Variants in NTM observed in about 807,000 individuals in gnomAD.
NTM encodes neurotrimin.
In NTM, 13 loss-of-function variants were observed where a neutral mutation model predicts 42.1. That is an observed-to-expected ratio of 0.31 (90% CI 0.20 to 0.49). The LOEUF (loss-of-function observed/expected upper bound fraction) is 0.49. Ranked by LOEUF, NTM falls within the 20% of genes least tolerant of loss-of-function variation. The probability of loss-of-function intolerance (pLI) is 0.99; values close to 1 mark genes in which losing one functional copy is unlikely to be tolerated. For missense variants in NTM, 373 were observed against 452.8 expected (o/e 0.82, Z 1.60); for synonymous variants, 187 against 179.2 (o/e 1.04, Z -0.35).
At chr11:131,674,167 C>CCA (rs1235017806) in intron 1 of NTM, among the ~76,000 whole-genome samples, 1 of 152,236 alleles carries the variant, frequency 6.6e-6, no homozygotes, top group Non-Finnish European at 1.5e-5. Flanking sequence ...AGAAGTAGTG[C>CCA]CACACGCACA....
intron 2 of NTM, among the ~76,000 whole-genome samples, chr11:132,048,291 C>G (rs2078305066): frequency 6.6e-6 from 1 of 152,178 alleles, no homozygotes; most frequent in African/African-American, 2.4e-5. Context: ...CAAAGCAGAG[C>G]CCAAGAGCCT....
At chr11:131,628,328 T>C (rs1360910235) in intron 1 of NTM, among the ~76,000 whole-genome samples, 1 of 152,248 alleles carries the variant, frequency 6.6e-6, no homozygotes, top group Non-Finnish European at 1.5e-5. Context: ...GGAAAAGTTA[T>C]TAATAGTTTA....
chr11:131,605,753 T>C, intron 1 of NTM: 1 of 978,982 alleles, frequency 1.0e-6, no homozygotes, highest in Non-Finnish European at 1.2e-6. Context: ...ATTTAAAGTT[T>C]GAAAAAAATA....
intron 2 of NTM, among the ~76,000 whole-genome samples, chr11:132,004,653 C>A (rs634747): frequency 7.3e-6 from 1 of 137,562 alleles, no homozygotes; most frequent in Non-Finnish European, 1.6e-5. Flanking sequence ...CACACACACA[C>A]AACACACACA....
intron 1 of NTM, among the ~76,000 whole-genome samples, chr11:131,524,251 G>A (rs2050155504): frequency 6.6e-6 from 1 of 152,224 alleles, no homozygotes; most frequent in African/African-American, 2.4e-5. Flanking sequence ...TCTCTGTGGT[G>A]TCTCAAGATG....
intron 3 of NTM, among the ~76,000 whole-genome samples, chr11:132,196,689 G>A (rs572351703): frequency 2.0e-5 from 3 of 152,164 alleles, no homozygotes; most frequent in South Asian, 4.1e-4. Context: ...ACCAAATACG[G>A]CATGTTCCCA....
chr11:131,930,857 A>G (rs2134083748), intron 2 of NTM, among the ~76,000 whole-genome samples: 1 of 152,358 alleles, frequency 6.6e-6, no homozygotes, highest in African/African-American at 2.4e-5. Flanking sequence ...AAATTAACGT[A>G]GTCCTGAATG....
At chr11:132,325,764 A>G (rs1191481387) in intron 7 of NTM, among the ~76,000 whole-genome samples, 2 of 152,244 alleles carry the variant, frequency 1.3e-5, no homozygotes, top group Admixed American at 1.3e-4. Flanking sequence ...CTTGGAACCA[A>G]CCTAAATTTC....
intron 2 of NTM, among the ~76,000 whole-genome samples, chr11:131,981,862 A>G (rs1343758208): frequency 6.6e-6 from 1 of 151,938 alleles, no homozygotes; most frequent in African/African-American, 2.4e-5. Flanking sequence ...AAATACAAAC[A>G]TTAGCTGGGC....
At chr11:131,441,044 T>G (rs1353475733) in intron 1 of NTM, among the ~76,000 whole-genome samples, 2 of 152,038 alleles carry the variant, frequency 1.3e-5, no homozygotes, top group Non-Finnish European at 2.9e-5. Flanking sequence ...TATTTGTCTA[T>G]ATAGATTGTT....
intron 4 of NTM, among the ~76,000 whole-genome samples, chr11:132,256,767 G>A (rs1392557826): frequency 2.0e-5 from 3 of 152,010 alleles, no homozygotes; most frequent in Non-Finnish European, 4.4e-5. Context: ...GGCAGAGGTG[G>A]GCCAATCAGC....
intron 1 of NTM, among the ~76,000 whole-genome samples, chr11:131,793,038 G>A (rs1475879552): frequency 2.0e-5 from 3 of 152,194 alleles, no homozygotes; most frequent in South Asian, 4.1e-4. Context: ...TTAAAGTGAA[G>A]GCCCTGGAAC....
At chr11:131,777,340 A>G (rs2087196578) in intron 1 of NTM, among the ~76,000 whole-genome samples, 1 of 151,872 alleles carries the variant, frequency 6.6e-6, no homozygotes, top group Non-Finnish European at 1.5e-5. Flanking sequence ...GGACAATATG[A>G]TTCCAATTAT....
chr11:131,427,653 G>A (rs1948278738), intron 1 of NTM, among the ~76,000 whole-genome samples: 1 of 152,200 alleles, frequency 6.6e-6, no homozygotes, highest in Non-Finnish European at 1.5e-5. Flanking sequence ...CTTCTTGAAA[G>A]TGGGTCTCTA....
intron 1 of NTM, among the ~76,000 whole-genome samples, chr11:131,798,147 T>A (rs180856370): frequency 6.6e-6 from 1 of 152,194 alleles, no homozygotes; most frequent in East Asian, 1.9e-4. Context: ...TAATAATGGG[T>A]GTCAGGGTAA....
intron 6 of NTM, among the ~76,000 whole-genome samples, chr11:132,313,854 A>T (rs904914592): frequency 6.6e-6 from 1 of 152,086 alleles, no homozygotes; most frequent in African/African-American, 2.4e-5. Context: ...GCCATTGTGG[A>T]GCTCAGGGAG....
At chr11:131,774,849 G>A (rs1258842508) in intron 1 of NTM, among the ~76,000 whole-genome samples, 1 of 152,194 alleles carries the variant, frequency 6.6e-6, no homozygotes, top group Non-Finnish European at 1.5e-5. Flanking sequence ...CAGAACTGCT[G>A]AGAGAACCTC....
chr11:132,038,743 T>C (rs951042273), intron 2 of NTM, among the ~76,000 whole-genome samples: 1 of 151,974 alleles, frequency 6.6e-6, no homozygotes, highest in African/African-American at 2.4e-5. Flanking sequence ...GGTGAGGAGG[T>C]CAGCCTCAAA....
Position 132,064,629 on chromosome 11 carries a change from C to T in NTM, c.168-81653C>T, listed in dbSNP as rs1490140131. On this transcript the variant is annotated intron_variant, in intron 2 of 8. Transcript: ENST00000683400. ...GGGATTTCGGATGATTTAAAATGAG[C>T]CTCACTAAAGCCCTGGATCACACAG... Among the ~76,000 whole-genome samples, 16 of 152,078 alleles carry T rather than the reference C, an allele frequency of 1.1e-4. 1 individual carries two copies. Among genetic ancestry groups the T allele is most frequent in the Admixed American group, 9.8e-4 (15 of 15,262 alleles).
Sources: allele counts gnomAD v4.1 joint callset (sites outside exome capture counted in the v4.1 genomes callset), GRCh38; gene constraint gnomAD v4.1.1; transcripts MANE v1.5; gene names NCBI Gene and HGNC (gene_info 2026-07-23, HGNC 2026-07-21).